ZNF226: variants seen among roughly 807,000 people sequenced by gnomAD.
The protein encoded by ZNF226 is zinc finger protein 226.
In ZNF226, 6 loss-of-function variants were observed where a neutral mutation model predicts 11.4. That is an observed-to-expected ratio of 0.53 (90% CI 0.29 to 1.04). The LOEUF (loss-of-function observed/expected upper bound fraction) is 1.04. ZNF226 is among the 50% of genes least tolerant of loss of function. ZNF226 has a pLI of 0.08. For missense variants in ZNF226, 1,058 were observed against 956.5 expected, an observed-to-expected ratio of 1.11 and a Z score of -1.40; for synonymous variants, 350 against 322.8, an observed-to-expected ratio of 1.08 and a Z score of -0.90.
chr19:44,190,573 G>A, the ZNF226 span, among the ~76,000 whole-genome samples: 2 of 152,108 alleles, frequency 1.3e-5, no homozygotes, highest in African/African-American at 2.4e-5. Flanking sequence ...CTGACCTCTT[G>A]ATCCGCCCGC....
Position 44,176,871 on chromosome 19 carries a change from G to A in ZNF226, c.1609G>A (p.Gly537Arg), listed in dbSNP as rs777405832. ...GEKPYKCEIC[G>R]KGFSQSSYLQ... ...GAAACCCTATAAATGTGAGATATGT[G>A]GGAAGGGCTTCAGTCAAAGTTCGTA... Residue 537 changes from glycine (G) to arginine (R), a missense_variant, in exon 6 of 6, where the codon GGG becomes AGG. By Grantham distance (125) the Gly-to-Arg change is moderately radical. Transcript: ENST00000337433. 9.9e-6 allele frequency: 16 copies of A among 1,613,956 alleles called. No individual in the cohort carries two copies. In the South Asian group the frequency reaches 1.5e-4, roughly 16 times the overall value.
chr19:44,190,581 C>T, the ZNF226 span, among the ~76,000 whole-genome samples: 10 of 152,132 alleles, frequency 6.6e-5, no homozygotes, highest in Middle Eastern at 3.4e-3. Flanking sequence ...TTGATCCGCC[C>T]GCCTCGGCCT....
At chr19:44,180,418 C>T (rs1013169233), downstream of ZNF226, among the ~76,000 whole-genome samples, 4 of 152,184 alleles carry the variant, frequency 2.6e-5, no homozygotes, top group Non-Finnish European at 5.9e-5. Flanking sequence ...TCTTCACATG[C>T]TAAGTATGTA....
the ZNF226 span, among the ~76,000 whole-genome samples, chr19:44,194,196 G>C: frequency 0.14 from 21,193 of 152,168 alleles, 3,749 homozygotes; most frequent in African/African-American, 0.4. Flanking sequence ...CCTTACATGG[G>C]AGACGTTTTC....
At chr19:44,193,809 C>T in the ZNF226 span, among the ~76,000 whole-genome samples, 5 of 152,160 alleles carry the variant, frequency 3.3e-5, no homozygotes, top group East Asian at 9.6e-4. Flanking sequence ...TAAATAATTC[C>T]CATAATGGCC....
At chr19:44,183,670 G>T in the ZNF226 span, among the ~76,000 whole-genome samples, 2 of 152,192 alleles carry the variant, frequency 1.3e-5, no homozygotes, top group Non-Finnish European at 2.9e-5. Context: ...ATTGACGTGT[G>T]CAGAGATACT....
chr19:44,190,482 C>T, the ZNF226 span, among the ~76,000 whole-genome samples: 1 of 151,952 alleles, frequency 6.6e-6, no homozygotes, highest in Non-Finnish European at 1.5e-5. Flanking sequence ...TACAGGCGCC[C>T]GCCACCACGC....
In ZNF226 at chr19:44,175,985, C is replaced by T. The variant is rs906844041; in HGVS notation, c.723C>T (p.His241=). Residue 241 remains histidine, a synonymous_variant, in exon 6 of 6, where the codon CAC becomes CAT. Coordinates refer to ENST00000337433, the MANE Select transcript of ZNF226 (RefSeq NM_001032373.2). The part of the protein sequence containing the change: ...KDNMKILTFD[H]NSMIHTGQKS... The stretch of plus-strand genomic sequence containing the variant: ...ACATGAAGATTTTGACATTTGATCA[C>T]AATAGCATGATTCACACAGGACAGA... 25 of 1,613,750 alleles carry T rather than the reference C, an allele frequency of 1.5e-5. No individual in the cohort carries two copies. Among genetic ancestry groups the T allele is most frequent in the African/African-American group, 2.7e-5 (2 of 74,900 alleles).
chr19:44,185,080 G>T, the ZNF226 span, among the ~76,000 whole-genome samples: 2 of 152,278 alleles, frequency 1.3e-5, no homozygotes, highest in South Asian at 4.2e-4. Flanking sequence ...GATTAATGTC[G>T]TGCCATGTGG....
intron 2 of ZNF226, among the ~76,000 whole-genome samples, chr19:44,167,196 C>T (rs1339381648): frequency 6.6e-6 from 1 of 151,992 alleles, no homozygotes; most frequent in Non-Finnish European, 1.5e-5. Flanking sequence ...GGCCTTCTGC[C>T]TGAAGTGGGA....
At chr19:44,165,202 G>C (rs1467312802) in intron 1 of ZNF226, 60 bp downstream of exon 1, 1 of 152,166 alleles carries the variant, frequency 6.6e-6, no homozygotes, top group African/African-American at 2.4e-5. Context: ...AGCAGCTAGC[G>C]GTCTTTTGTT....
chr19:44,199,448 T>C, the ZNF226 span, among the ~76,000 whole-genome samples: 1 of 152,220 alleles, frequency 6.6e-6, no homozygotes, highest in Non-Finnish European at 1.5e-5. Flanking sequence ...TCTCCTGTTT[T>C]CTCTCACAAT....
chr19:44,176,195 G>A lies in ZNF226; in HGVS notation c.933G>A (p.Glu311=), dbSNP rs765131411. ...TGGGAGAAAAACTTAAGTGTGATGAGTGTGGTAAGGAATTCAGTCAGGGCG... is the reference window on the plus strand; with the variant it reads ...TGGGAGAAAAACTTAAGTGTGATGAATGTGGTAAGGAATTCAGTCAGGGCG... ...VHVGEKLKCD[E]CGKEFSQGAH... Residue 311 remains glutamate (E), a synonymous_variant, in exon 6 of 6, where the codon GAG becomes GAA. Transcript: ENST00000337433. The A allele has an allele frequency of 4.3e-6, 7 of 1,614,124 alleles. No individual in the cohort carries two copies. In the South Asian group the frequency reaches 5.5e-5, roughly 13 times the overall value.
the ZNF226 span, among the ~76,000 whole-genome samples, chr19:44,188,447 T>C: frequency 6.6e-6 from 1 of 152,344 alleles, no homozygotes; most frequent in African/African-American, 2.4e-5. Flanking sequence ...TGGGTGATTA[T>C]TCCCTAAACA....
chr19:44,172,243 T>C (rs773850014), intron 4 of ZNF226, 29 bp downstream of exon 4: 1 of 1,599,902 alleles, frequency 6.3e-7, no homozygotes, highest in South Asian at 1.1e-5. Flanking sequence ...TGGAATATCT[T>C]TGTGCCCTTG....
chr19:44,186,460 C>A, the ZNF226 span, among the ~76,000 whole-genome samples: 1 of 151,954 alleles, frequency 6.6e-6, no homozygotes, highest in Non-Finnish European at 1.5e-5. Flanking sequence ...GTATTTTACC[C>A]TTTTTGATGC....
downstream of ZNF226, among the ~76,000 whole-genome samples, chr19:44,180,691 A>G (rs546473664): frequency 7.2e-5 from 11 of 152,292 alleles, no homozygotes; most frequent in South Asian, 8.3e-4. Flanking sequence ...AAAACTATGG[A>G]CCACAAAATC....
chr19:44,177,692 T>C (rs780857227), downstream of ZNF226: 3 of 1,549,160 alleles, frequency 1.9e-6, no homozygotes, highest in African/African-American at 2.7e-5. Flanking sequence ...TGAAGACTCG[T>C]GTCATTTGAA....
At chr19:44,171,235 G>A (rs1031053033) in intron 3 of ZNF226, among the ~76,000 whole-genome samples, 31 of 152,044 alleles carry the variant, frequency 2.0e-4, no homozygotes, top group African/African-American at 7.5e-4. Context: ...AATTGAAAAG[G>A]TATGTTTTGT....
Sources: gnomAD v4.1 joint callset for allele counts (sites outside exome capture counted in the v4.1 genomes callset) on GRCh38, gnomAD v4.1.1 for gene constraint, MANE v1.5 for transcripts, NCBI Gene and HGNC (gene_info 2026-07-23, HGNC 2026-07-21) for gene names.